Variants in DLG1 observed in about 807,000 individuals in gnomAD.
The protein encoded by DLG1 is disks large homolog 1.
Under a neutral mutation model 123.4 loss-of-function variants are expected in DLG1, and 42 were observed. That is an observed-to-expected ratio of 0.34 (90% CI 0.27 to 0.44). The LOEUF (loss-of-function observed/expected upper bound fraction) is 0.44, where lower values mean the gene tolerates loss of function less well. Ranked by LOEUF, DLG1 falls within the 20% of genes least tolerant of loss-of-function variation. The probability of loss-of-function intolerance (pLI) is 1.00; values close to 1 mark genes in which losing one functional copy is unlikely to be tolerated. For missense variants in DLG1, 942 were observed against 1,082.6 expected (o/e 0.87, Z 1.82); for synonymous variants, 317 against 356.2 (o/e 0.89, Z 1.24).
chr3:197,087,545 T>C (rs957282458), intron 15 of DLG1, among the ~76,000 whole-genome samples: 3 of 152,136 alleles, frequency 2.0e-5, no homozygotes, highest in Non-Finnish European at 2.9e-5. Context: ...TGATTAACTA[T>C]AGCACACTGT....
intron 10 of DLG1, among the ~76,000 whole-genome samples, chr3:197,134,905 A>G (rs1580046811): frequency 1.3e-5 from 2 of 152,244 alleles, no homozygotes; most frequent in South Asian, 4.1e-4. Flanking sequence ...TAGGGGGTAG[A>G]CAAGAGACAG....
chr3:197,131,584 CTTTTTTTTTTTTTT>C lies in DLG1; in HGVS notation c.1021-927_1021-914del, dbSNP rs773487577. The stretch of plus-strand genomic sequence containing the variant: ...CAAATATAGTTTTATTTCTTCCTTT[CTTTTTTTTTTTTTT>C]TTTTTTTTTTTTTGAGACGGAGTCT... On this transcript the variant is annotated intron_variant, in intron 10 of 24. Coordinates refer to ENST00000667157, the MANE Select transcript of DLG1 (RefSeq NM_001366207.1). Among the ~76,000 whole-genome samples, 4 of 65,766 alleles carry C rather than the reference CTTTTTTTTTTTTTT, an allele frequency of 6.1e-5. No individual in the cohort carries two copies. The Admixed American group carries it at 6.6e-4, about 11-fold the overall frequency. The allele number at this position is 65,766 out of a possible 152,430, so 43.1% of individuals were successfully genotyped here.
At chr3:197,069,145 C>T in intron 19 of DLG1, 74 bp downstream of exon 19, 1 of 999,020 alleles carries the variant, frequency 1.0e-6, no homozygotes, top group Non-Finnish European at 1.4e-6. Flanking sequence ...TAACATATCA[C>T]TCAGAATCCC....
Position 197,274,685 on chromosome 3 carries a change from A to C in DLG1, c.318+7994T>G, listed in dbSNP as rs115598510. 8.5e-3 allele frequency among the ~76,000 whole-genome samples: 1,288 copies of C among 152,324 alleles called. 18 individuals carry two copies. The highest frequency in any genetic ancestry group is 0.029 in the African/African-American group (1,220 of 41,562). ...AAGGAAACGACCAACAGAGTGATGA[A>C]ACAACTTACAGAATGGGAGAAAATA... is the stretch of plus-strand genomic sequence containing the variant. On this transcript the variant is annotated intron_variant, in intron 4 of 24. Coordinates refer to ENST00000667157, the MANE Select transcript of DLG1 (RefSeq NM_001366207.1).
chr3:197,255,700 A>C (rs568540860), intron 4 of DLG1, among the ~76,000 whole-genome samples: 187 of 152,280 alleles, frequency 1.2e-3, no homozygotes, highest in African/African-American at 4.3e-3. Flanking sequence ...TGAGTAAAAG[A>C]AGCCATAATT....
At chr3:197,099,678 T>C (rs1762425566) in intron 14 of DLG1, among the ~76,000 whole-genome samples, 1 of 152,088 alleles carries the variant, frequency 6.6e-6, no homozygotes, top group Non-Finnish European at 1.5e-5. Flanking sequence ...GAGGAAGGGG[T>C]ATGGGGGAAA....
intron 11 of DLG1, among the ~76,000 whole-genome samples, chr3:197,120,930 G>A (rs1776027325): frequency 6.6e-6 from 1 of 152,140 alleles, no homozygotes; most frequent in Non-Finnish European, 1.5e-5. Context: ...AAGAATATGG[G>A]ATTTTCAAGT....
At chr3:197,266,846 T>C (rs1761903377) in intron 4 of DLG1, among the ~76,000 whole-genome samples, 2 of 152,086 alleles carry the variant, frequency 1.3e-5, no homozygotes, top group Admixed American at 6.5e-5. Context: ...CAAACCAATA[T>C]ACAAGTACTG....
At chr3:197,199,905 T>C (rs1437605094) in intron 4 of DLG1, among the ~76,000 whole-genome samples, 2 of 152,190 alleles carry the variant, frequency 1.3e-5, no homozygotes, top group South Asian at 2.1e-4. Context: ...GGAGGAAACA[T>C]ATTTTTAAAT....
At chr3:197,152,860 T>C (rs998864982) in intron 5 of DLG1, among the ~76,000 whole-genome samples, 2 of 151,634 alleles carry the variant, frequency 1.3e-5, no homozygotes, top group African/African-American at 4.9e-5. Flanking sequence ...GATCTTGTAG[T>C]GATTGCTGCT....
rs115407821 is a variant in DLG1, at chr3:197,245,054, A to G, written c.318+37625T>C. ...TCGGACCTTTAATAAGGCAATAGGAAGGCACTTGGTCCATGATAATCGAGT... is the reference window on the plus strand; with the variant it reads ...TCGGACCTTTAATAAGGCAATAGGAGGGCACTTGGTCCATGATAATCGAGT... On this transcript the variant is annotated intron_variant, in intron 4 of 24. Coordinates refer to ENST00000667157, the MANE Select transcript of DLG1 (RefSeq NM_001366207.1). Among the ~76,000 whole-genome samples, 563 of 152,274 alleles carry G rather than the reference A, an allele frequency of 3.7e-3. 4 individuals are homozygous for G. The highest frequency in any genetic ancestry group is 0.012 in the African/African-American group (494 of 41,548).
In DLG1 at chr3:197,090,670, T is replaced by G. The variant is rs550230698; in HGVS notation, c.1661+242A>C. On this transcript the variant is annotated intron_variant, in intron 15 of 24. Coordinates refer to ENST00000667157, the MANE Select transcript of DLG1 (RefSeq NM_001366207.1). ...AAAACAATTTCTGGTCCACAGAAAT[T>G]TCTTCCTTTATTATATCATCATTAT... Among the ~76,000 whole-genome samples the G allele has an allele frequency of 2.6e-5, 4 of 152,192 alleles. No homozygotes were observed. In the South Asian group the frequency reaches 8.3e-4, roughly 32 times the overall value.
Position 197,066,707 on chromosome 3 carries a change from C to T in DLG1, c.2095G>A (p.Glu699Lys). The T allele has an allele frequency of 6.2e-7, 1 of 1,602,340 alleles. No individual in the cohort carries two copies. Among genetic ancestry groups the T allele is most frequent in the Non-Finnish European group, 8.5e-7 (1 of 1,170,824 alleles). The change falls in exon 20 of 25, where the codon GAA becomes AAA. Residue 699 changes from glutamate to lysine, a missense_variant. By Grantham distance (56) the Glu-to-Lys change is moderately conservative. Transcript: ENST00000667157. ...VLSYEPVNQQ[E>K]VNYTRPVIIL... ...AACATCAATAGGCTTCACAAACCTT[C>T]TTGTTGATTCACTGGTTCATAAGAT... is the stretch of plus-strand genomic sequence containing the variant.
At chr3:197,081,730 A>G (rs1003821961) in intron 16 of DLG1, among the ~76,000 whole-genome samples, 3 of 152,202 alleles carry the variant, frequency 2.0e-5, no homozygotes, top group African/African-American at 7.2e-5. Flanking sequence ...AGGATACATA[A>G]GAACTGTTAA....
At chr3:197,252,664 T>C (rs1336630665) in intron 4 of DLG1, among the ~76,000 whole-genome samples, 5 of 152,200 alleles carry the variant, frequency 3.3e-5, no homozygotes, top group Non-Finnish European at 7.4e-5. Context: ...TGTAGATGGA[T>C]AGTGGTAACG....
chr3:197,104,827 CATT>C, intron 14 of DLG1, 73 bp downstream of exon 14: 1 of 1,017,524 alleles, frequency 9.8e-7, no homozygotes. Context: ...GGAAGTTAAA[CATT>C]ATTAAATATT....
At chr3:197,163,389 G>A (rs1367317259) in intron 5 of DLG1, among the ~76,000 whole-genome samples, 1 of 152,096 alleles carries the variant, frequency 6.6e-6, no homozygotes, top group Non-Finnish European at 1.5e-5. Flanking sequence ...AAAAGTGAGA[G>A]CAAGGACTTG....
intron 4 of DLG1, among the ~76,000 whole-genome samples, chr3:197,249,325 C>T (rs187842908): frequency 6.6e-6 from 1 of 152,122 alleles, no homozygotes; most frequent in Admixed American, 6.5e-5. Context: ...TACTTGGATA[C>T]ATGACTTTCA....
chr3:197,087,601 C>T (rs1357486616), intron 15 of DLG1, among the ~76,000 whole-genome samples: 10 of 151,960 alleles, frequency 6.6e-5, no homozygotes, highest in Admixed American at 2.0e-4. Context: ...CAATAAAATA[C>T]GAAAAATACA....
Sources: allele counts gnomAD v4.1 joint callset (sites outside exome capture counted in the v4.1 genomes callset), GRCh38; gene constraint gnomAD v4.1.1; transcripts MANE v1.5; gene names NCBI Gene and HGNC (gene_info 2026-07-23, HGNC 2026-07-21).